Variants in SLC39A14 observed in about 807,000 individuals in gnomAD.
SLC39A14 encodes the protein solute carrier family 39 member 14.
In SLC39A14, 19 loss-of-function variants were observed where a neutral mutation model predicts 45.5. The observed-to-expected ratio is 0.42, with a 90% confidence interval of 0.29 to 0.61. The LOEUF (loss-of-function observed/expected upper bound fraction) is 0.61, where lower values mean the gene tolerates loss of function less well. Ranked by LOEUF, SLC39A14 falls within the 20% of genes least tolerant of loss-of-function variation. SLC39A14 has a pLI of 0.22. For synonymous variants in SLC39A14, 264 were observed against 251.3 expected, an observed-to-expected ratio of 1.05 and a Z score of -0.48; for missense variants, 447 against 616.5, an observed-to-expected ratio of 0.73 and a Z score of 2.91.
At chr8:22,422,784 C>T, downstream of SLC39A14, 1 of 864,148 alleles carries the variant, frequency 1.2e-6, no homozygotes, top group Non-Finnish European at 1.4e-6. Context: ...TTTGTTTTAC[C>T]AGGTCTGGTT....
intron 1 of SLC39A14, among the ~76,000 whole-genome samples, chr8:22,404,269 GA>G (rs1835063544): frequency 6.6e-6 from 1 of 151,716 alleles, no homozygotes; most frequent in Non-Finnish European, 1.5e-5. Context: ...ACTAAATATA[GA>G]AAAAAATTAG....
intron 7 of SLC39A14, among the ~76,000 whole-genome samples, 168 bp downstream of exon 7, chr8:22,416,448 G>A (rs553388713): frequency 2.0e-5 from 3 of 151,872 alleles, no homozygotes; most frequent in Admixed American, 6.5e-5. Context: ...TTTTGGAGAC[G>A]GAGTCTCGCA....
At chr8:22,405,028 C>T (rs1413604966) in intron 2 of SLC39A14, 48 bp downstream of exon 2, 4 of 1,573,974 alleles carry the variant, frequency 2.5e-6, no homozygotes, top group East Asian at 2.2e-5. Flanking sequence ...CCGTCTCTGG[C>T]CTCTCAGGGT....
chr8:22,422,476 C>G lies in SLC39A14; in HGVS notation c.*2778C>G, dbSNP rs1466755328. The G allele has an allele frequency of 9.1e-6, 9 of 985,716 alleles. No homozygotes were observed. Among genetic ancestry groups the G allele is most frequent in the Non-Finnish European group, 1.1e-5 (9 of 829,940 alleles). 61.1% of individuals were successfully genotyped at this position (985,716 alleles called of 1,614,324 possible). A position where few individuals can be genotyped will look rare whatever the true frequency, so the allele number is the denominator to read the frequency against. ...GAGATGGCAATATGCTGGGCATCTA[C>G]TTTAAAACAAAGTTGTCTGATTTTT... is the stretch of plus-strand genomic sequence containing the variant. On this transcript the variant is annotated 3_prime_UTR_variant, in exon 9 of 9. Transcript: ENST00000381237.
intron 1 of SLC39A14, among the ~76,000 whole-genome samples, chr8:22,381,492 G>C (rs750801462): frequency 4.0e-5 from 6 of 151,464 alleles, no homozygotes; most frequent in Non-Finnish European, 7.4e-5. Context: ...GGATGGTCTC[G>C]ATCTCCTGAC....
intron 1 of SLC39A14, among the ~76,000 whole-genome samples, chr8:22,399,210 C>T (rs1834702086): frequency 6.6e-6 from 1 of 152,206 alleles, no homozygotes; most frequent in Non-Finnish European, 1.5e-5. Context: ...CTTCCTCCTG[C>T]AGCTGGGGCC....
At chr8:22,407,788 G>A (rs2132323169) in intron 2 of SLC39A14, among the ~76,000 whole-genome samples, 1 of 150,846 alleles carries the variant, frequency 6.6e-6, no homozygotes, top group African/African-American at 2.4e-5. Context: ...CTCCTTCACT[G>A]TAGCCTCCAA....
At chr8:22,411,874 C>T in intron 3 of SLC39A14, 163 bp from the exon 4 acceptor site, 1 of 606,056 alleles carries the variant, frequency 1.7e-6, no homozygotes, top group Non-Finnish European at 2.9e-6. Context: ...CTACTTGTCT[C>T]TCTCTGATTT....
intron 4 of SLC39A14, among the ~76,000 whole-genome samples, chr8:22,412,997 T>A (rs898887391): frequency 9.2e-5 from 14 of 152,150 alleles, no homozygotes; most frequent in African/African-American, 3.4e-4. Context: ...AAAAAGATTG[T>A]CCATAGGGAG....
intron 4 of SLC39A14, among the ~76,000 whole-genome samples, chr8:22,413,048 T>C (rs1470177018): frequency 6.6e-6 from 1 of 152,192 alleles, no homozygotes; most frequent in Non-Finnish European, 1.5e-5. Context: ...ATGTCTGGTT[T>C]TATATACCTT....
chr8:22,393,430 T>C (rs1040959668), intron 1 of SLC39A14, among the ~76,000 whole-genome samples: 1 of 152,104 alleles, frequency 6.6e-6, no homozygotes, highest in Admixed American at 6.6e-5. Flanking sequence ...GTGAGTGGGG[T>C]GGGCCATGGG....
rs1022969977 is a variant in SLC39A14, at chr8:22,421,271, C to G, written c.*1573C>G. ...CTCTTACATAGAAAAACTGTCCGCT[C>G]TCAGTAATCACAAGCAGCATCCGTT... On this transcript the variant is annotated 3_prime_UTR_variant, in exon 9 of 9. Transcript: ENST00000381237. 2.7e-5 allele frequency: 27 copies of G among 985,740 alleles called. No individual in the cohort carries two copies. The Admixed American group carries it at 1.5e-3, about 56-fold the overall frequency. 61.1% of individuals were successfully genotyped at this position (985,740 alleles called of 1,614,324 possible).
Position 22,382,644 on chromosome 8 carries a change from C to T in SLC39A14, c.-16+15236C>T, listed in dbSNP as rs181992864. ...CTATGATCCGGGCACTGCACTACAG[C>T]CTGTGCCACAGAAGTGAGACCCTGA... On this transcript the variant is annotated intron_variant, in intron 1 of 8. Transcript: ENST00000381237. 1.7e-4 allele frequency among the ~76,000 whole-genome samples: 26 copies of T among 152,216 alleles called. 1 individual carries two copies. The East Asian group carries it at 4.1e-3, about 24-fold the overall frequency.
chr8:22,394,228 A>G lies in SLC39A14; in HGVS notation c.-15-10468A>G, dbSNP rs755803827. Among the ~76,000 whole-genome samples the G allele has an allele frequency of 2.7e-5, 4 of 147,606 alleles. No homozygotes were observed. In the South Asian group the frequency reaches 6.5e-4, roughly 24 times the overall value. On this transcript the variant is annotated intron_variant, in intron 1 of 8. Transcript: ENST00000381237. ...CACCATGTTGGCCAGGATTATCTCT[A>G]TCTCTTGACCTCGTGATCCACCTGC...
chr8:22,420,989 A>C lies in SLC39A14; in HGVS notation c.*1291A>C, dbSNP rs777015936. 64 of 985,790 alleles carry C rather than the reference A, an allele frequency of 6.5e-5. No individual in the cohort carries two copies. Among genetic ancestry groups the C allele is most frequent in the Non-Finnish European group, 7.3e-5 (61 of 829,952 alleles). The allele number at this position is 985,790 out of a possible 1,614,324, so 61.1% of individuals were successfully genotyped here. A position where few individuals can be genotyped will look rare whatever the true frequency, so the allele number is the denominator to read the frequency against. ...GGAGATAACTTGTCTTTAAAACTGT[A>C]GGCCAGCCTTAGCCACTGTGGAGCC... On this transcript the variant is annotated 3_prime_UTR_variant, in exon 9 of 9. Coordinates refer to ENST00000381237, the MANE Select transcript of SLC39A14 (RefSeq NM_001128431.4).
At chr8:22,382,882 ATT>A (rs1240746954) in intron 1 of SLC39A14, among the ~76,000 whole-genome samples, 4 of 142,102 alleles carry the variant, frequency 2.8e-5, no homozygotes, top group Admixed American at 7.0e-5. Flanking sequence ...GCCCCCGCTA[ATT>A]TTTTTTTTTT....
Position 22,396,934 on chromosome 8 carries a change from A to G in SLC39A14, c.-15-7762A>G, listed in dbSNP as rs985737140. ...TTGAAGTTAATATATCTCTGATTAG[A>G]TCTGTTTTCTTGTTTGGTTGCATTG... On this transcript the variant is annotated intron_variant, in intron 1 of 8. Coordinates refer to ENST00000381237, the MANE Select transcript of SLC39A14 (RefSeq NM_001128431.4). Among the ~76,000 whole-genome samples, 39 of 151,494 alleles carry G rather than the reference A, an allele frequency of 2.6e-4. 3 individuals are homozygous for G. The highest frequency in any genetic ancestry group is 3.2e-3 in the Middle Eastern group (1 of 316).
intron 1 of SLC39A14, among the ~76,000 whole-genome samples, chr8:22,372,339 A>C (rs1340205654): frequency 6.6e-6 from 1 of 152,152 alleles, no homozygotes; most frequent in Non-Finnish European, 1.5e-5. Context: ...CATTTTAAAC[A>C]TCATTCAGCA....
chr8:22,397,205 C>A (rs74470464), intron 1 of SLC39A14, among the ~76,000 whole-genome samples: 1,827 of 152,288 alleles, frequency 0.012, 101 homozygotes, highest in Admixed American at 0.092. Context: ...CGTGGCCCTT[C>A]CATTGCCAGG....
Sources: allele counts gnomAD v4.1 joint callset (sites outside exome capture counted in the v4.1 genomes callset), GRCh38; gene constraint gnomAD v4.1.1; transcripts MANE v1.5; gene names NCBI Gene and HGNC (gene_info 2026-07-23, HGNC 2026-07-21).